KIF13A: variants seen among roughly 807,000 people sequenced by gnomAD.
KIF13A encodes kinesin family member 13A, also known as kinesin-like protein KIF13A.
KIF13A carries 79 observed loss-of-function variants against 212.2 expected under a neutral mutation model. The observed-to-expected ratio is 0.37, with a 90% CI of 0.31 to 0.45. The LOEUF (loss-of-function observed/expected upper bound fraction) is 0.45, where lower values mean the gene tolerates loss of function less well. KIF13A is among the 20% of genes least tolerant of loss of function. The pLI is 1.00. For missense variants in KIF13A, 1,901 were observed against 2,209.0 expected, an observed-to-expected ratio of 0.86 and a Z score of 2.79; for synonymous variants, 789 against 808.6, an observed-to-expected ratio of 0.98 and a Z score of 0.41.
chr6:17,805,971 G>C (rs955997938), intron 18 of KIF13A, among the ~76,000 whole-genome samples: 4 of 147,300 alleles, frequency 2.7e-5, no homozygotes, highest in Non-Finnish European at 3.0e-5. Flanking sequence ...CCAAGCTGCA[G>C]TGAAGTGGTA....
intron 2 of KIF13A, among the ~76,000 whole-genome samples, chr6:17,964,926 G>C (rs568616937): frequency 6.6e-5 from 10 of 151,952 alleles, no homozygotes; most frequent in Non-Finnish European, 1.3e-4. Flanking sequence ...TGGTTCAAGC[G>C]ATTCTCCCGC....
intron 2 of KIF13A, among the ~76,000 whole-genome samples, chr6:17,944,711 C>A (rs1310832178): frequency 6.6e-6 from 1 of 152,032 alleles, no homozygotes; most frequent in Non-Finnish European, 1.5e-5. Flanking sequence ...GAAAATATTT[C>A]TATTTATTTA....
At position 17,781,163 on chromosome 6, in the gene KIF13A, TG is replaced by T; in HGVS notation, c.3669+13del. ...AATCTGAAGCCTTTTAAGAGAAACTTGGGGGTTAATTACCTCATCATCACTG... is the reference window on the plus strand; with the variant it reads ...AATCTGAAGCCTTTTAAGAGAAACTTGGGGTTAATTACCTCATCATCACTG... On this transcript the variant is annotated intron_variant, in intron 30 of 38. Transcript: ENST00000259711. 5.0e-6 allele frequency: 8 copies of T among 1,613,782 alleles called. No homozygotes were observed. The highest frequency in any genetic ancestry group is 6.8e-6 in the Non-Finnish European group (8 of 1,179,800).
At position 17,892,740 on chromosome 6, in the gene KIF13A, C is replaced by A. The variant is rs1017547386; in HGVS notation, c.159+5428G>T. ...CTAAACTACAAGGATGGGAGAGCAT[C>A]TGGGTTGCTGAACACAAGAAGGTAC... On this transcript the variant is annotated intron_variant, in intron 3 of 38. Transcript: ENST00000259711. The surrounding 1 kb of genome is among the most constrained non-coding windows in gnomAD (Gnocchi z 4.7). Among the ~76,000 whole-genome samples, 1 of 152,172 alleles carries A rather than the reference C, an allele frequency of 6.6e-6. No homozygotes were observed. Among genetic ancestry groups the A allele is most frequent in the African/African-American group, 2.4e-5 (1 of 41,422 alleles).
In KIF13A at chr6:17,837,492, C is replaced by G; in HGVS notation, c.922G>C (p.Val308Leu). The part of the protein sequence containing the change: ...KSKFVPYRDS[V>L]LTWLLKDNLG... The stretch of plus-strand genomic sequence containing the variant: ...ATTACCTTAAGCAGCCAAGTGAGGA[C>G]TGAATCTCGATAAGGCACAAATTTG... Residue 308 changes from valine (V) to leucine (L), a missense_variant, in exon 10 of 39, where the codon GTC (valine) becomes CTC (leucine). Around this residue, in one of 5 missense-constraint regions of KIF13A, gnomAD observed 506 missense variants for 637.4 expected, o/e 0.79. Transcript: ENST00000259711. This position sits in a 1 kb window ranked among gnomAD's most constrained non-coding sequence, Gnocchi z 5.4. 6.2e-7 allele frequency: 1 copy of G among 1,606,336 alleles called. No homozygotes were observed. Among genetic ancestry groups the G allele is most frequent in the Non-Finnish European group, 8.5e-7 (1 of 1,176,080 alleles).
chr6:17,905,132 A>T (rs1011423324), intron 2 of KIF13A, among the ~76,000 whole-genome samples: 14 of 152,214 alleles, frequency 9.2e-5, no homozygotes, highest in African/African-American at 2.4e-4. Context: ...GTGATTTTTA[A>T]AAAAAATTTT....
chr6:17,799,488 C>A lies in KIF13A; in HGVS notation c.2617-49G>T, dbSNP rs936298590. ...AAAACTCCAATGAACACTAAACATT[C>A]TTTCATTTCAGCTACCTCAAATTTA... On this transcript the variant is annotated intron_variant, in intron 21 of 38. Coordinates refer to ENST00000259711, the MANE Select transcript of KIF13A (RefSeq NM_022113.6). The surrounding 1 kb of genome is among the most constrained non-coding windows in gnomAD (Gnocchi z 4.4). 2 of 1,388,662 alleles carry A rather than the reference C, an allele frequency of 1.4e-6. No individual in the cohort carries two copies. The highest frequency in any genetic ancestry group is 9.6e-7 in the Non-Finnish European group (1 of 1,041,372). The allele number at this position is 1,388,662 out of a possible 1,614,324, so 86.0% of individuals were successfully genotyped here. A position where few individuals can be genotyped will look rare whatever the true frequency, so the allele number is the denominator to read the frequency against.
In KIF13A at chr6:17,785,427, A is replaced by T; in HGVS notation, c.3488+88T>A. 1 of 1,375,984 alleles carries T rather than the reference A, an allele frequency of 7.3e-7. No homozygotes were observed. Among genetic ancestry groups the T allele is most frequent in the Non-Finnish European group, 9.6e-7 (1 of 1,046,880 alleles). 85.2% of individuals were successfully genotyped at this position (1,375,984 alleles called of 1,614,324 possible). A position where few individuals can be genotyped will look rare whatever the true frequency, so the allele number is the denominator to read the frequency against. On this transcript the variant is annotated intron_variant, in intron 28 of 38. Transcript: ENST00000259711. The surrounding 1 kb of genome is among the most constrained non-coding windows in gnomAD (Gnocchi z 5.8). ...GTTCAGCTGGTTGGCATTTTCTGTG[A>T]CAATCCTGGAAAGTCTCTTGCATGG...
rs1355192834 is a variant in KIF13A at position 17,859,620 on chromosome 6, TTA to T, written c.221-3500_221-3499del. Among the ~76,000 whole-genome samples, 285 of 131,544 alleles carry T rather than the reference TTA, an allele frequency of 2.2e-3. 7 individuals carry two copies. Among genetic ancestry groups the T allele is most frequent in the Middle Eastern group, 3.9e-3 (1 of 256 alleles). 86.3% of individuals were successfully genotyped at this position (131,544 alleles called of 152,430 possible). A position where few individuals can be genotyped will look rare whatever the true frequency, so the allele number is the denominator to read the frequency against. Reference sequence around the variant, plus strand: ...TCAACTGTCCTGCTGGCAATGTATTTTATATATATATATATATATTTTTTTTT... The same window carrying T: ...TCAACTGTCCTGCTGGCAATGTATTTTATATATATATATATATTTTTTTTT... On this transcript the variant is annotated intron_variant, in intron 4 of 38. Coordinates refer to ENST00000259711, the MANE Select transcript of KIF13A (RefSeq NM_022113.6).
In KIF13A at chr6:17,834,162, C is replaced by A; in HGVS notation, c.1156-91G>T. ...GTTACTGTCCCTCTTAAGCAGTTAT[C>A]AATAGTCTGTTGGAAAAAATTAAGT... On this transcript the variant is annotated intron_variant, in intron 11 of 38. Transcript: ENST00000259711. The surrounding 1 kb of genome is among the most constrained non-coding windows in gnomAD (Gnocchi z 4.0). The A allele has an allele frequency of 1.3e-6, 1 of 756,460 alleles. No homozygotes were observed. Among genetic ancestry groups the A allele is most frequent in the South Asian group, 1.8e-5 (1 of 54,258 alleles). 46.9% of individuals were successfully genotyped at this position (756,460 alleles called of 1,614,324 possible). A position where few individuals can be genotyped will look rare whatever the true frequency, so the allele number is the denominator to read the frequency against.
intron 22 of KIF13A, 32 bp from the exon 23 acceptor site, chr6:17,796,852 T>C (rs1762078802): frequency 7.1e-7 from 1 of 1,410,122 alleles, no homozygotes; most frequent in Non-Finnish European, 9.4e-7. Flanking sequence ...AAAAGAATTA[T>C]GCTTAAAGGA....
rs2150483956 is a variant in KIF13A at position 17,899,169 on chromosome 6, C to A, written c.147-989G>T. 6.6e-6 allele frequency among the ~76,000 whole-genome samples: 1 copy of A among 152,272 alleles called. No homozygotes were observed. Among genetic ancestry groups the A allele is most frequent in the Admixed American group, 6.5e-5 (1 of 15,296 alleles). ...GGCAATAAAATGTCAGTTTGACTTG[C>A]TTTGTAAATATTTTCTTCATGTATA... On this transcript the variant is annotated intron_variant, in intron 2 of 38. Transcript: ENST00000259711. The surrounding 1 kb of genome is among the most constrained non-coding windows in gnomAD (Gnocchi z 5.2).
intron 18 of KIF13A, among the ~76,000 whole-genome samples, chr6:17,807,479 CT>C (rs973596933): frequency 1.3e-5 from 2 of 152,012 alleles, no homozygotes; most frequent in African/African-American, 2.4e-5. Context: ...AAACTCCACC[CT>C]GGTAAGTTTG....
intron 3 of KIF13A, among the ~76,000 whole-genome samples, chr6:17,894,724 C>T (rs150741830): frequency 3.0e-4 from 46 of 152,168 alleles, no homozygotes; most frequent in African/African-American, 9.6e-4. Context: ...TTCTTTGAGC[C>T]GTATGGTTCT....
chr6:17,918,669 C>A lies in KIF13A; in HGVS notation c.147-20489G>T, dbSNP rs1019328348. The stretch of plus-strand genomic sequence containing the variant: ...AGTATCACTTGGAATTGAAAGCACT[C>A]CCATCCCCAGGCATCTGCACAAGAA... On this transcript the variant is annotated intron_variant, in intron 2 of 38. Coordinates refer to ENST00000259711, the MANE Select transcript of KIF13A (RefSeq NM_022113.6). The surrounding 1 kb of genome is among the most constrained non-coding windows in gnomAD (Gnocchi z 4.8). 6.6e-6 allele frequency among the ~76,000 whole-genome samples: 1 copy of A among 152,118 alleles called. No individual in the cohort carries two copies. Among genetic ancestry groups the A allele is most frequent in the African/African-American group, 2.4e-5 (1 of 41,424 alleles).
rs574240548 is a variant in KIF13A, at chr6:17,834,238, G to C, written c.1156-167C>G. On this transcript the variant is annotated intron_variant, in intron 11 of 38. Coordinates refer to ENST00000259711, the MANE Select transcript of KIF13A (RefSeq NM_022113.6). The surrounding 1 kb of genome is among the most constrained non-coding windows in gnomAD (Gnocchi z 4.0). ...ACCTTTATTAATCAAACGAATGTAA[G>C]AGAACATGGCTGTTCCCTGAAAAAG... Among the ~76,000 whole-genome samples the C allele has an allele frequency of 1.1e-4, 16 of 152,284 alleles. No homozygotes were observed. In the South Asian group the frequency reaches 2.7e-3, roughly 26 times the overall value.
intron 2 of KIF13A, among the ~76,000 whole-genome samples, chr6:17,937,755 T>TC (rs1007455012): frequency 7.3e-6 from 1 of 137,234 alleles, no homozygotes; most frequent in Non-Finnish European, 1.6e-5. Context: ...TGTTTTTTTT[T>TC]TTTTGTTTTT....
intron 2 of KIF13A, among the ~76,000 whole-genome samples, chr6:17,977,223 CAA>C (rs1463776725): frequency 4.6e-5 from 7 of 151,580 alleles, no homozygotes; most frequent in Admixed American, 1.3e-4. Context: ...GATGCACATT[CAA>C]GTTTGAATAC....
chr6:17,768,924 AT>A lies in KIF13A; in HGVS notation c.4581+2189del, dbSNP rs554050729. Among the ~76,000 whole-genome samples the A allele has an allele frequency of 1.7e-3, 250 of 150,292 alleles. 1 individual carries two copies. Among genetic ancestry groups the A allele is most frequent in the African/African-American group, 5.8e-3 (240 of 41,432 alleles). ...GAAGTACATCTGTATGTCTTCCCAA[AT>A]TGATCAAACAACAAAATATTGCTTA... On this transcript the variant is annotated intron_variant, in intron 38 of 38. Coordinates refer to ENST00000259711, the MANE Select transcript of KIF13A (RefSeq NM_022113.6). This position sits in a 1 kb window ranked among gnomAD's most constrained non-coding sequence, Gnocchi z 5.4.
Sources: allele counts gnomAD v4.1 joint callset (sites outside exome capture counted in the v4.1 genomes callset), GRCh38; gene constraint gnomAD v4.1.1; regional missense constraint gnomAD v4.1.1; non-coding constraint Gnocchi (gnomAD v3.1); transcripts MANE v1.5; gene names NCBI Gene and HGNC (gene_info 2026-07-23, HGNC 2026-07-21).